SLC22A24: variants seen among roughly 807,000 people sequenced by gnomAD.
SLC22A24 encodes the protein solute carrier family 22 member 24, also known as steroid transmembrane transporter SLC22A24.
SLC22A24 carries 53 observed loss-of-function variants against 49.8 expected under a neutral mutation model. The observed-to-expected ratio is 1.06, with a 90% CI of 0.85 to 1.34. The LOEUF (loss-of-function observed/expected upper bound fraction) is 1.34. Among genes scored for constraint, SLC22A24 ranks in the 40% most tolerant of loss-of-function variants. The probability of loss-of-function intolerance (pLI) is 0.00; values close to 1 mark genes in which losing one functional copy is unlikely to be tolerated. For missense variants in SLC22A24, 786 were observed against 675.9 expected (o/e 1.16, Z -1.81); for synonymous variants, 302 against 256.4 (o/e 1.18, Z -1.70).
intron 2 of SLC22A24, among the ~76,000 whole-genome samples, chr11:63,120,695 T>C (rs1317695360): frequency 6.6e-6 from 1 of 152,148 alleles, no homozygotes; most frequent in Non-Finnish European, 1.5e-5. Context: ...TTCTCAGTAG[T>C]ATTAGCATAC....
intron 5 of SLC22A24, among the ~76,000 whole-genome samples, chr11:63,100,399 T>C (rs1163788638): frequency 1.3e-5 from 2 of 152,110 alleles, no homozygotes; most frequent in Non-Finnish European, 2.9e-5. Flanking sequence ...TATAAAGCAC[T>C]GATGCAAGAA....
In SLC22A24 at chr11:63,096,054, G is replaced by A. The variant is rs370535827; in HGVS notation, c.1007C>T (p.Ser336Phe). ...KELDAVRIKT[S>F]IFSLFRAPKL... Reference sequence around the variant, plus strand: ...GGGTGCACGGAACAGGGAAAAAATGGATGTTTTAATTCGGACTGCATCCAA... The same window carrying A: ...GGGTGCACGGAACAGGGAAAAAATGAATGTTTTAATTCGGACTGCATCCAA... The change falls in exon 6 of 10, where the codon TCC becomes TTC. Residue 336 changes from serine to phenylalanine, a missense_variant. Physicochemically the swap from Ser to Phe is radical, Grantham distance 155. Coordinates refer to ENST00000612278, the MANE Select transcript of SLC22A24 (RefSeq NM_001136506.2). 191 of 1,550,938 alleles carry A rather than the reference G, an allele frequency of 1.2e-4. No homozygotes were observed. The African/African-American group carries it at 2.4e-3, about 19-fold the overall frequency.
intron 6 of SLC22A24, among the ~76,000 whole-genome samples, chr11:63,095,528 C>T (rs1408896565): frequency 6.6e-6 from 1 of 152,020 alleles, no homozygotes; most frequent in East Asian, 1.9e-4. Context: ...GCAGTAAGTA[C>T]AGTTGGTGGT....
At position 63,136,328 on chromosome 11, in the gene SLC22A24, C is replaced by T. The variant is rs1350753470; in HGVS notation, c.403-1560G>A. Among the ~76,000 whole-genome samples, 49 of 152,216 alleles carry T rather than the reference C, an allele frequency of 3.2e-4. 2 individuals are homozygous for T. The highest frequency in any genetic ancestry group is 3.2e-3 in the Admixed American group (49 of 15,284). On this transcript the variant is annotated intron_variant, in intron 1 of 9. Transcript: ENST00000612278. Reference sequence around the variant, plus strand: ...TTTCTGAATCCCAGTGAAACCATTACATCTGAGAAGTATGCTCAGCACTTC... The same window carrying T: ...TTTCTGAATCCCAGTGAAACCATTATATCTGAGAAGTATGCTCAGCACTTC...
chr11:63,098,585 C>A (rs1469918484), intron 5 of SLC22A24, among the ~76,000 whole-genome samples: 1 of 152,084 alleles, frequency 6.6e-6, no homozygotes, highest in Non-Finnish European at 1.5e-5. Context: ...ATCACTTGAA[C>A]CTGGGAGCTG....
At chr11:63,083,579 G>A (rs2086971723) in intron 6 of SLC22A24, 122 bp from the exon 7 acceptor site, 3 of 748,596 alleles carry the variant, frequency 4.0e-6, no homozygotes, top group South Asian at 2.0e-5. Context: ...GGCAAATGGT[G>A]TTTTTCCTTT....
intron 6 of SLC22A24, among the ~76,000 whole-genome samples, chr11:63,087,024 G>A (rs867720623): frequency 9.8e-5 from 13 of 132,556 alleles, no homozygotes; most frequent in African/African-American, 2.3e-4. Context: ...CCTGGAGGGC[G>A]CACACACACA....
intron 2 of SLC22A24, among the ~76,000 whole-genome samples, chr11:63,131,862 C>T (rs1028029590): frequency 2.0e-5 from 3 of 152,210 alleles, no homozygotes; most frequent in African/African-American, 7.2e-5. Flanking sequence ...TGGATAACAT[C>T]CTGAAGAGTA....
At chr11:63,099,678 A>C (rs1394328253) in intron 5 of SLC22A24, among the ~76,000 whole-genome samples, 1 of 152,100 alleles carries the variant, frequency 6.6e-6, no homozygotes, top group African/African-American at 2.4e-5. Flanking sequence ...ATCCTCAATG[A>C]AATACTAGCA....
rs181339636 is a variant in SLC22A24 at position 63,100,421 on chromosome 11, C to A, written c.954+3754G>T. Among the ~76,000 whole-genome samples, 37 of 152,120 alleles carry A rather than the reference C, an allele frequency of 2.4e-4. No homozygotes were observed. In the East Asian group the frequency reaches 7.1e-3, roughly 29 times the overall value. ...CACTGATGCAAGAAATCGAAGAGAA[C>A]ACACAAAAAATGAAAATATATTCCA... On this transcript the variant is annotated intron_variant, in intron 5 of 9. Coordinates refer to ENST00000612278, the MANE Select transcript of SLC22A24 (RefSeq NM_001136506.2).
chr11:63,108,364 A>G (rs144026452), intron 4 of SLC22A24, among the ~76,000 whole-genome samples: 4,095 of 152,272 alleles, frequency 0.027, 178 homozygotes, highest in African/African-American at 0.094. Flanking sequence ...TTTCATATCA[A>G]TGTTCATCAG....
intron 4 of SLC22A24, among the ~76,000 whole-genome samples, chr11:63,117,073 G>A (rs1455185075): frequency 6.6e-6 from 1 of 152,144 alleles, no homozygotes; most frequent in Non-Finnish European, 1.5e-5. Flanking sequence ...CCAACATCTG[G>A]CTTGTCAGGT....
chr11:63,084,780 A>G (rs1188998002), intron 6 of SLC22A24, among the ~76,000 whole-genome samples: 1 of 152,108 alleles, frequency 6.6e-6, no homozygotes, highest in East Asian at 1.9e-4. Context: ...AGTCAACAAT[A>G]TCTTCTTACC....
chr11:63,132,292 A>G (rs1325426380), intron 2 of SLC22A24, among the ~76,000 whole-genome samples: 4 of 152,202 alleles, frequency 2.6e-5, no homozygotes, highest in Admixed American at 1.3e-4. Context: ...TCAACTTGTC[A>G]AACTCATTCT....
In SLC22A24 at chr11:63,117,022, G is replaced by A. The variant is rs563836764; in HGVS notation, c.830+1890C>T. On this transcript the variant is annotated intron_variant, in intron 4 of 9. Transcript: ENST00000612278. ...AGACATGGTTTTCTTTAATTCTTGA[G>A]CATATTTAACTTAGTTGATTCAAAT... Among the ~76,000 whole-genome samples, 258 of 151,918 alleles carry A rather than the reference G, an allele frequency of 1.7e-3. 12 individuals are homozygous for A. In the South Asian group the frequency reaches 0.053, roughly 31 times the overall value.
At chr11:63,094,453 G>C (rs571438837) in intron 6 of SLC22A24, among the ~76,000 whole-genome samples, 13 of 152,158 alleles carry the variant, frequency 8.5e-5, no homozygotes, top group African/African-American at 2.7e-4. Context: ...ATGTGCATGT[G>C]TCATTATAGC....
At position 63,143,881 on chromosome 11, in the gene SLC22A24, G is replaced by T; in HGVS notation, c.-102C>A. 2.0e-6 allele frequency: 2 copies of T among 1,012,118 alleles called. No individual in the cohort carries two copies. The highest frequency in any genetic ancestry group is 3.5e-5 in the South Asian group (1 of 28,434). The allele number at this position is 1,012,118 out of a possible 1,614,324, so 62.7% of individuals were successfully genotyped here. ...TTTCACAAAGTTACCATAGTGCCATGTGGATCCTGACACTGCTTTCTTCTT... is the reference window on the plus strand; with the variant it reads ...TTTCACAAAGTTACCATAGTGCCATTTGGATCCTGACACTGCTTTCTTCTT... On this transcript the variant is annotated 5_prime_UTR_variant, in exon 1 of 10. Coordinates refer to ENST00000612278, the MANE Select transcript of SLC22A24 (RefSeq NM_001136506.2).
intron 6 of SLC22A24, among the ~76,000 whole-genome samples, chr11:63,093,897 C>A (rs77311992): frequency 0.018 from 2,776 of 151,858 alleles, 92 homozygotes; most frequent in African/African-American, 0.064. Context: ...ATACTATATG[C>A]AGTCATTGGA....
In SLC22A24 at chr11:63,087,445, G is replaced by C. The variant is rs117311387; in HGVS notation, c.1071-3988C>G. Among the ~76,000 whole-genome samples, 256 of 152,280 alleles carry C rather than the reference G, an allele frequency of 1.7e-3. 9 individuals are homozygous for C. The East Asian group carries it at 0.046, about 27-fold the overall frequency. On this transcript the variant is annotated intron_variant, in intron 6 of 9. Transcript: ENST00000612278. ...AATCTGCAGATCAGGAGATTCCCTCGTGTGCCTATACCACCAGGGCCCTGG... is the reference window on the plus strand; with the variant it reads ...AATCTGCAGATCAGGAGATTCCCTCCTGTGCCTATACCACCAGGGCCCTGG...
Sources: allele counts gnomAD v4.1 joint callset (sites outside exome capture counted in the v4.1 genomes callset), GRCh38; gene constraint gnomAD v4.1.1; transcripts MANE v1.5; gene names NCBI Gene and HGNC (gene_info 2026-07-23, HGNC 2026-07-21).